Variants in CDH12 observed in about 807,000 individuals in gnomAD.
The protein encoded by CDH12 is cadherin-12.
In CDH12, 41 loss-of-function variants were observed where a neutral mutation model predicts 74.1. That is an observed-to-expected ratio of 0.55 (90% CI 0.43 to 0.72). CDH12 has a LOEUF of 0.72. Ranked by LOEUF, CDH12 falls within the 30% of genes least tolerant of loss-of-function variation. The pLI is 0.00. For synonymous variants in CDH12, 399 were observed against 355.0 expected, an observed-to-expected ratio of 1.12 and a Z score of -1.39; for missense variants, 945 against 977.2, an observed-to-expected ratio of 0.97 and a Z score of 0.44.
intron 3 of CDH12, among the ~76,000 whole-genome samples, chr5:22,349,919 T>C (rs1453715285): frequency 1.3e-5 from 2 of 152,150 alleles, no homozygotes; most frequent in Non-Finnish European, 1.5e-5. Flanking sequence ...AGTAGTTCAT[T>C]GAAAGATTAA....
chr5:21,932,219 A>T (rs1378569683), intron 6 of CDH12, among the ~76,000 whole-genome samples: 1 of 152,230 alleles, frequency 6.6e-6, no homozygotes, highest in Non-Finnish European at 1.5e-5. Flanking sequence ...AAAACTATTT[A>T]GCAAATGGGA....
intron 1 of CDH12, among the ~76,000 whole-genome samples, chr5:22,567,765 C>G (rs1352456592): frequency 6.6e-6 from 1 of 152,156 alleles, no homozygotes; most frequent in East Asian, 1.9e-4. Flanking sequence ...TTTGGATTAG[C>G]TATTGAATGG....
intron 1 of CDH12, among the ~76,000 whole-genome samples, chr5:22,804,500 A>G (rs144869465): frequency 1.8e-4 from 27 of 152,330 alleles, no homozygotes; most frequent in African/African-American, 6.0e-4. Flanking sequence ...AAAGGAGGTG[A>G]CGCTGCAGTC....
intron 5 of CDH12, among the ~76,000 whole-genome samples, chr5:22,003,824 C>CAAAA (rs775995801): frequency 0.02 from 885 of 44,202 alleles, 19 homozygotes; most frequent in African/African-American, 0.047. Context: ...CCCGCTTCCA[C>CAAAA]AAAAAAAAAA....
At chr5:22,639,183 CTG>C in intron 1 of CDH12, among the ~76,000 whole-genome samples, 1 of 148,658 alleles carries the variant, frequency 6.7e-6, no homozygotes, top group East Asian at 2.0e-4. Flanking sequence ...ACTTCAGGGA[CTG>C]AGGATAGCAT....
chr5:21,992,453 T>C (rs1757793594), intron 5 of CDH12, among the ~76,000 whole-genome samples: 1 of 152,116 alleles, frequency 6.6e-6, no homozygotes, highest in African/African-American at 2.4e-5. Flanking sequence ...CCTTAAATGT[T>C]GAATATTTCT....
At chr5:22,642,865 G>A (rs755494810) in intron 1 of CDH12, among the ~76,000 whole-genome samples, 26 of 151,922 alleles carry the variant, frequency 1.7e-4, no homozygotes, top group Non-Finnish European at 2.8e-4. Context: ...ATGGTTACAC[G>A]CAATTCAATT....
At chr5:22,507,088 G>A (rs969163945) in intron 1 of CDH12, among the ~76,000 whole-genome samples, 5 of 151,908 alleles carry the variant, frequency 3.3e-5, no homozygotes, top group South Asian at 4.1e-4. Flanking sequence ...ATTTTCATTC[G>A]TTTCTACTAA....
chr5:22,774,070 A>T (rs1746960731), intron 1 of CDH12, among the ~76,000 whole-genome samples: 1 of 152,114 alleles, frequency 6.6e-6, no homozygotes, highest in Non-Finnish European at 1.5e-5. Flanking sequence ...AGCAGTTTGG[A>T]GATTTCTCAA....
At chr5:22,704,776 A>G (rs1742899123) in intron 1 of CDH12, among the ~76,000 whole-genome samples, 1 of 152,092 alleles carries the variant, frequency 6.6e-6, no homozygotes, top group South Asian at 2.1e-4. Context: ...AAACTATATT[A>G]TCATACGTGT....
intron 1 of CDH12, among the ~76,000 whole-genome samples, chr5:22,600,643 A>G (rs1470089812): frequency 6.6e-6 from 1 of 151,996 alleles, no homozygotes; most frequent in Admixed American, 6.6e-5. Context: ...ATAAATATGT[A>G]TTTGGTATTA....
chr5:22,808,088 A>G (rs573258375), intron 1 of CDH12, among the ~76,000 whole-genome samples: 7 of 152,248 alleles, frequency 4.6e-5, no homozygotes, highest in Non-Finnish European at 1.0e-4. Context: ...GCCATGCATG[A>G]CTGCATTTAC....
intron 1 of CDH12, among the ~76,000 whole-genome samples, chr5:22,581,953 A>G (rs1050880205): frequency 2.6e-5 from 4 of 152,210 alleles, no homozygotes; most frequent in Non-Finnish European, 4.4e-5. Flanking sequence ...GAACTCGCCT[A>G]TCTTTTCATC....
At chr5:22,267,998 T>C (rs1259606786) in intron 3 of CDH12, among the ~76,000 whole-genome samples, 1 of 152,138 alleles carries the variant, frequency 6.6e-6, no homozygotes, top group Non-Finnish European at 1.5e-5. Flanking sequence ...TTACATAAGA[T>C]CAATTCAGCA....
At chr5:22,761,414 A>G (rs995915763) in intron 1 of CDH12, among the ~76,000 whole-genome samples, 1 of 152,190 alleles carries the variant, frequency 6.6e-6, no homozygotes, top group Non-Finnish European at 1.5e-5. Flanking sequence ...TTACAAAGTT[A>G]TGTGAAGGGC....
intron 1 of CDH12, among the ~76,000 whole-genome samples, chr5:22,845,777 G>T (rs758696415): frequency 3.3e-5 from 5 of 152,028 alleles, no homozygotes; most frequent in Non-Finnish European, 5.9e-5. Context: ...GAAATGGAGG[G>T]GCTTGACAAG....
intron 3 of CDH12, among the ~76,000 whole-genome samples, chr5:22,236,121 G>T (rs1353497140): frequency 1.3e-5 from 2 of 152,208 alleles, no homozygotes; most frequent in African/African-American, 2.4e-5. Context: ...ACTGAAATTT[G>T]CCCTGTGTGA....
At chr5:22,592,374 C>T (rs1224625801) in intron 1 of CDH12, among the ~76,000 whole-genome samples, 1 of 152,124 alleles carries the variant, frequency 6.6e-6, no homozygotes, top group Non-Finnish European at 1.5e-5. Context: ...TTCATCTGCA[C>T]TTTCTCTTCC....
chr5:22,324,501 A>G (rs931572033), intron 3 of CDH12, among the ~76,000 whole-genome samples: 6 of 151,960 alleles, frequency 3.9e-5, no homozygotes, highest in Non-Finnish European at 8.8e-5. Flanking sequence ...CTAAGTTATC[A>G]TGGTTGTAGA....
Sources: allele counts gnomAD v4.1 joint callset (sites outside exome capture counted in the v4.1 genomes callset), GRCh38; gene constraint gnomAD v4.1.1; transcripts MANE v1.5; gene names NCBI Gene and HGNC (gene_info 2026-07-23, HGNC 2026-07-21).